ESPL1: variants seen among roughly 807,000 people sequenced by gnomAD.
ESPL1 encodes the protein extra spindle pole bodies like 1, separase.
Under a neutral mutation model 217.2 loss-of-function variants are expected in ESPL1, and 50 were observed. That is an observed-to-expected ratio of 0.23 (90% CI 0.18 to 0.29). The LOEUF is 0.29. ESPL1 is among the 10% of genes least tolerant of loss of function. The pLI is 1.00. For missense variants in ESPL1, 1,834 were observed against 2,603.0 expected (o/e 0.70, Z 6.43); for synonymous variants, 994 against 1,081.3 (o/e 0.92, Z 1.58).
At chr12:53,290,263 C>G in intron 23 of ESPL1, 51 bp downstream of exon 23, 1 of 1,611,356 alleles carries the variant, frequency 6.2e-7, no homozygotes, top group Non-Finnish European at 8.5e-7. Flanking sequence ...GGCTTCGGGT[C>G]AAGCTGCTCA....
At position 53,271,172 on chromosome 12, in the gene ESPL1, G is replaced by GGTTTTTTTTTT. The variant is rs371461220; in HGVS notation, c.1369+374_1369+375insGTTTTTTTTTT. ...AAATGACCTTTCTGTATATTTAAGTGTTTTTTTTTTTTTTTTTTTGAGACA... is the reference window on the plus strand; with the variant it reads ...AAATGACCTTTCTGTATATTTAAGTGGTTTTTTTTTTTTTTTTTTTTTTTTTTTTTGAGACA... On this transcript the variant is annotated intron_variant, in intron 5 of 30. Transcript: ENST00000257934. Among the ~76,000 whole-genome samples, 2 of 117,752 alleles carry GGTTTTTTTTTT rather than the reference G, an allele frequency of 1.7e-5. 1 individual carries two copies. Among genetic ancestry groups the GGTTTTTTTTTT allele is most frequent in the Non-Finnish European group, 3.3e-5 (2 of 60,362 alleles). The allele number at this position is 117,752 out of a possible 152,430, so 77.2% of individuals were successfully genotyped here.
chr12:53,288,745 C>T (rs1297834119), intron 20 of ESPL1, 46 bp downstream of exon 20: 3 of 1,544,334 alleles, frequency 1.9e-6, no homozygotes, highest in Non-Finnish European at 2.6e-6. Context: ...AGGGCTGAGC[C>T]TCTAGGGCTT....
chr12:53,270,875 G>A (rs1051843766), intron 5 of ESPL1, 77 bp downstream of exon 5: 18 of 1,542,904 alleles, frequency 1.2e-5, no homozygotes, highest in East Asian at 4.5e-5. Context: ...TACTTGCTGC[G>A]TGGTTCTGAC....
Position 53,293,442 on chromosome 12 carries a change from A to G in ESPL1, c.6331A>G (p.Ile2111Val), listed in dbSNP as rs749518748. 79 of 1,614,024 alleles carry G rather than the reference A, an allele frequency of 4.9e-5. No individual in the cohort carries two copies. In the South Asian group the frequency reaches 6.5e-4, roughly 13 times the overall value. ...CAAGTATCTTATTGGGGCTGCACCT[A>G]TAGCCTATGGCTTGCCTGTCTCTCT... ...RLKYLIGAAP[I>V]AYGLPVSLR The change falls in exon 31 of 31, where the codon ATA becomes GTA. Residue 2111 changes from isoleucine to valine, a missense_variant. Ile to Val is a conservative substitution (Grantham distance 29). Transcript: ENST00000257934. This position sits in a 1 kb window ranked among gnomAD's most constrained non-coding sequence, Gnocchi z 4.2.
intron 20 of ESPL1, 129 bp downstream of exon 20, chr12:53,288,828 G>T: frequency 1.4e-6 from 1 of 714,416 alleles, no homozygotes; most frequent in Non-Finnish European, 2.2e-6. Flanking sequence ...TTGAACCCCA[G>T]CACTCTGTCT....
intron 16 of ESPL1, among the ~76,000 whole-genome samples, chr12:53,283,750 A>G (rs1456444155): frequency 6.6e-6 from 1 of 152,192 alleles, no homozygotes; most frequent in Non-Finnish European, 1.5e-5. Context: ...CAGTATGCGG[A>G]TGTGCCTTGC....
Position 53,272,776 on chromosome 12 carries a change from G to A in ESPL1, c.1425G>A (p.Glu475=). ...YSFYSHKLYA[E]ACAISEPLCQ... is the part of the protein sequence containing the mutation. ...TCTATAGTCACAAGCTCTATGCCGA[G>A]GCCTGTGCCATCTCTGAGCCGCTCT... The change falls in exon 6 of 31, where the codon GAG becomes GAA. Residue 475 remains glutamate (E), a synonymous_variant. Transcript: ENST00000257934. The A allele has an allele frequency of 6.2e-7, 1 of 1,614,152 alleles. No homozygotes were observed. The highest frequency in any genetic ancestry group is 1.1e-5 in the South Asian group (1 of 91,082).
At position 53,293,080 on chromosome 12, in the gene ESPL1, T is replaced by C. The variant is rs1212010376; in HGVS notation, c.6161+110T>C. The C allele has an allele frequency of 1.8e-6, 2 of 1,130,946 alleles. No homozygotes were observed. Among genetic ancestry groups the C allele is most frequent in the East Asian group, 2.5e-5 (1 of 40,274 alleles). 70.1% of individuals were successfully genotyped at this position (1,130,946 alleles called of 1,614,324 possible). A position where few individuals can be genotyped will look rare whatever the true frequency, so the allele number is the denominator to read the frequency against. ...TCTCTTGTGCCCCATTTTCCTCCTA[T>C]CCTAGTTAGTTCCCTGGCATGCCTG... On this transcript the variant is annotated intron_variant, in intron 30 of 30. Transcript: ENST00000257934. The surrounding 1 kb of genome is among the most constrained non-coding windows in gnomAD (Gnocchi z 4.2).
At position 53,279,776 on chromosome 12, in the gene ESPL1, T is replaced by C; in HGVS notation, c.2409T>C (p.Ser803=). ...TCCTCCTGCTGCTACGGATTGTCTCTGAGAGACTGAAGGACCACTCGAAGG... is the reference window on the plus strand; with the variant it reads ...TCCTCCTGCTGCTACGGATTGTCTCCGAGAGACTGAAGGACCACTCGAAGG... ...LEVLLLLRIV[S]ERLKDHSKAA... The change falls in exon 12 of 31, where the codon TCT becomes TCC. Residue 803 remains serine (S), a synonymous_variant. Coordinates refer to ENST00000257934, the MANE Select transcript of ESPL1 (RefSeq NM_012291.5). The C allele has an allele frequency of 1.2e-6, 2 of 1,614,066 alleles. No homozygotes were observed. The highest frequency in any genetic ancestry group is 1.7e-6 in the Non-Finnish European group (2 of 1,180,002).
At chr12:53,273,102 C>A (rs1027256382) in intron 6 of ESPL1, among the ~76,000 whole-genome samples, 5 of 145,450 alleles carry the variant, frequency 3.4e-5, no homozygotes, top group Admixed American at 2.8e-4. Flanking sequence ...GTGGCACAAT[C>A]TTGGCTCACT....
chr12:53,279,656 A>G, intron 11 of ESPL1, 76 bp from the exon 12 acceptor site: 1 of 1,565,078 alleles, frequency 6.4e-7, no homozygotes. Flanking sequence ...CCAAGGTCCC[A>G]AAGGGCTGGG....
intron 17 of ESPL1, among the ~76,000 whole-genome samples, chr12:53,284,952 C>T (rs1420222767): frequency 1.4e-5 from 2 of 139,154 alleles, no homozygotes; most frequent in African/African-American, 5.4e-5. Context: ...GCGGAGGTTG[C>T]AGTGAGGAAG....
chr12:53,286,068 C>A lies in ESPL1; in HGVS notation c.3332C>A (p.Thr1111Asn), dbSNP rs775161029. Residue 1111 changes from threonine to asparagine, a missense_variant, in exon 18 of 31, where the codon ACT becomes AAT. Thr to Asn is a moderately conservative substitution (Grantham distance 65). This residue lies in a region of ESPL1 where 681 missense variants were observed against 808.0 expected (regional missense o/e 0.84). Transcript: ENST00000257934. This position sits in a 1 kb window ranked among gnomAD's most constrained non-coding sequence, Gnocchi z 5.3. ...LRGPALELVA[T>N]VAKEPGPIAP... is the part of the protein sequence containing the mutation. Reference sequence around the variant, plus strand: ...GGCCCTGCTCTAGAGCTGGTGGCCACTGTGGCCAAGGAGCCTGGCCCCATA... The same window carrying A: ...GGCCCTGCTCTAGAGCTGGTGGCCAATGTGGCCAAGGAGCCTGGCCCCATA... The A allele has an allele frequency of 5.6e-6, 9 of 1,611,160 alleles. No homozygotes were observed. Among genetic ancestry groups the A allele is most frequent in the Non-Finnish European group, 7.6e-6 (9 of 1,177,462 alleles).
At position 53,292,990 on chromosome 12, in the gene ESPL1, A is replaced by AC. The variant is rs1944088730; in HGVS notation, c.6161+23dup. On this transcript the variant is annotated intron_variant, in intron 30 of 30. Transcript: ENST00000257934. The surrounding 1 kb of genome is among the most constrained non-coding windows in gnomAD (Gnocchi z 4.5). ...TGGTTGGTGAGTCTCCAAGGGCAAG[A>AC]CCCATCCTAGGGCATTAGGACTCCT... 6.2e-7 allele frequency: 1 copy of AC among 1,608,152 alleles called. No individual in the cohort carries two copies. Among genetic ancestry groups the AC allele is most frequent in the African/African-American group, 1.3e-5 (1 of 74,792 alleles).
chr12:53,269,858 G>A lies in ESPL1; in HGVS notation c.916G>A (p.Glu306Lys). Reference protein sequence around the residue: ...LGVKLLQVGEEGPQAVAKLLI... With the variant: ...LGVKLLQVGEKGPQAVAKLLI... Reference sequence around the variant, plus strand: ...GGTTAAGCTGCTGCAGGTTGGGGAGGAAGGACCTCAGGCAGTGGCCAAGCT... The same window carrying A: ...GGTTAAGCTGCTGCAGGTTGGGGAGAAAGGACCTCAGGCAGTGGCCAAGCT... The change falls in exon 3 of 31, where the codon GAA becomes AAA. Residue 306 changes from glutamate (E) to lysine (K), a missense_variant. By Grantham distance (56) the Glu-to-Lys change is moderately conservative. This residue lies in a region of ESPL1 where 746 missense variants were observed against 1,077.0 expected (regional missense o/e 0.69). Coordinates refer to ENST00000257934, the MANE Select transcript of ESPL1 (RefSeq NM_012291.5). This position sits in a 1 kb window ranked among gnomAD's most constrained non-coding sequence, Gnocchi z 6.7. The A allele has an allele frequency of 6.2e-7, 1 of 1,614,236 alleles. No homozygotes were observed. The highest frequency in any genetic ancestry group is 1.3e-5 in the African/African-American group (1 of 75,062).
At position 53,292,661 on chromosome 12, in the gene ESPL1, A is replaced by C. The variant is rs1358137982; in HGVS notation, c.5996+4A>C. 2.5e-6 allele frequency: 4 copies of C among 1,611,952 alleles called. No homozygotes were observed. The Admixed American group carries it at 6.7e-5, about 27-fold the overall frequency. ...TGACAAAGCATGATTTGTATATGTG[A>C]GTGCTTAAGGCAGGGATGTGGGGAG... On this transcript the variant is annotated splice_donor_region_variant and intron_variant, in intron 29 of 30. Transcript: ENST00000257934. This position sits in a 1 kb window ranked among gnomAD's most constrained non-coding sequence, Gnocchi z 4.5.
intron 11 of ESPL1, 172 bp from the exon 12 acceptor site, chr12:53,279,560 C>G (rs1402478659): frequency 3.6e-5 from 27 of 746,728 alleles, no homozygotes; most frequent in Non-Finnish European, 5.7e-5. Flanking sequence ...TGAATGGCAT[C>G]TAGGCTTTAA....
Position 53,282,510 on chromosome 12 carries a change from A to C in ESPL1, c.2791+75A>C. On this transcript the variant is annotated intron_variant, in intron 14 of 30. Transcript: ENST00000257934. The surrounding 1 kb of genome is among the most constrained non-coding windows in gnomAD (Gnocchi z 4.0). ...CTGCTGTCAGCTCTTCTCAAACCTCATCCCCTCTGCTGGCTAACTATGTGG... is the reference window on the plus strand; with the variant it reads ...CTGCTGTCAGCTCTTCTCAAACCTCCTCCCCTCTGCTGGCTAACTATGTGG... The C allele has an allele frequency of 1.8e-5, 25 of 1,376,818 alleles. No homozygotes were observed. The highest frequency in any genetic ancestry group is 2.3e-5 in the Non-Finnish European group (23 of 985,516). 85.3% of individuals were successfully genotyped at this position (1,376,818 alleles called of 1,614,324 possible).
In ESPL1 at chr12:53,286,807, C is replaced by G. The variant is rs1262921295; in HGVS notation, c.4071C>G (p.Gly1357=). Reference sequence around the variant, plus strand: ...CCCCAGACCGGATCAGGCAAGCTGGCCCTCATGTCCCCTTCACGGTGTTTG... The same window carrying G: ...CCCCAGACCGGATCAGGCAAGCTGGGCCTCATGTCCCCTTCACGGTGTTTG... The part of the protein sequence containing the change: ...PKPPDRIRQA[G]PHVPFTVFEE... Residue 1357 remains glycine (G), a synonymous_variant, in exon 18 of 31, where the codon GGC becomes GGG. Transcript: ENST00000257934. This position sits in a 1 kb window ranked among gnomAD's most constrained non-coding sequence, Gnocchi z 5.3. 6.2e-7 allele frequency: 1 copy of G among 1,614,036 alleles called. No homozygotes were observed. The highest frequency in any genetic ancestry group is 8.5e-7 in the Non-Finnish European group (1 of 1,180,048).
Sources: gnomAD v4.1 joint callset for allele counts (sites outside exome capture counted in the v4.1 genomes callset) on GRCh38, gnomAD v4.1.1 for gene constraint, gnomAD v4.1.1 regional missense constraint, Gnocchi (gnomAD v3.1) non-coding constraint, MANE v1.5 for transcripts, NCBI Gene and HGNC (gene_info 2026-07-23, HGNC 2026-07-21) for gene names.